TMEM253: variants seen among roughly 807,000 people sequenced by gnomAD.
The protein encoded by TMEM253 is transmembrane protein C14orf176.
Under a neutral mutation model 20.3 loss-of-function variants are expected in TMEM253, and 22 were observed. The observed-to-expected ratio is 1.08, with a 90% CI of 0.78 to 1.55. TMEM253 has a LOEUF of 1.55. Ranked by LOEUF, TMEM253 falls within the 40% of genes most tolerant of loss-of-function variation. TMEM253 has a pLI of 0.00. For synonymous variants in TMEM253, 92 were observed against 102.6 expected (o/e 0.90, Z 0.62); for missense variants, 251 against 266.1 (o/e 0.94, Z 0.39).
In TMEM253 at chr14:21,103,159, G is replaced by C. The variant is rs1196936502; in HGVS notation, c.555G>C (p.Glu185Asp). 2 of 1,551,670 alleles carry C rather than the reference G, an allele frequency of 1.3e-6. No individual in the cohort carries two copies. Among genetic ancestry groups the C allele is most frequent in the South Asian group, 1.2e-5 (1 of 84,048 alleles). ...TTCAGGGCTTCTCTGAGTTGGAAGA[G>C]GTTCCTGGTTTGGAGAATGGTCCCA... The change falls in exon 7 of 7, where the codon GAG becomes GAC. Residue 185 changes from glutamate (E) to aspartate (D), a missense_variant. Coordinates refer to ENST00000556585, the Ensembl canonical transcript of TMEM253.
At chr14:21,101,587 G>T (rs1367693348) in intron 2 of TMEM253, 136 bp downstream of exon 2, 1 of 820,510 alleles carries the variant, frequency 1.2e-6, no homozygotes, top group African/African-American at 1.7e-5. Context: ...TGGGAGGAGG[G>T]TAGAGGAAAA....
intron 2 of TMEM253, 88 bp downstream of exon 2, chr14:21,101,539 G>A: frequency 1.6e-6 from 2 of 1,247,984 alleles, no homozygotes; most frequent in Non-Finnish European, 2.3e-6. Flanking sequence ...TGTTAAGTGA[G>A]CACCTACCAT....
chr14:21,098,853 C>T, upstream of TMEM253: 2 of 1,287,370 alleles, frequency 1.6e-6, no homozygotes. Context: ...CCCCAACATG[C>T]ACAGACTCGG....
exon 4 of TMEM253, chr14:21,102,067 C>A (rs1228266944): frequency 1.9e-6 from 3 of 1,551,270 alleles, no homozygotes; most frequent in African/African-American, 2.7e-5. Flanking sequence ...CATTCAGGGT[C>A]TCCTCACTGG....
At position 21,103,138 on chromosome 14, in the gene TMEM253, G is replaced by A; in HGVS notation, c.535-1G>A. ...TGCTCACACCTGTCTCTGGTTTTCA[G>A]GGCTTCTCTGAGTTGGAAGAGGTTC... On this transcript the variant is annotated splice_acceptor_variant, in intron 6 of 6. Transcript: ENST00000556585. LOFTEE classifies it high-confidence loss of function. The A allele has an allele frequency of 6.4e-7, 1 of 1,551,626 alleles. No individual in the cohort carries two copies. Among genetic ancestry groups the A allele is most frequent in the Non-Finnish European group, 8.7e-7 (1 of 1,146,986 alleles).
At chr14:21,100,600 C>T (rs140597115), upstream of TMEM253, among the ~76,000 whole-genome samples, 145 of 152,268 alleles carry the variant, frequency 9.5e-4, no homozygotes, top group African/African-American at 3.3e-3. Flanking sequence ...ACAATCCCCA[C>T]CATAAACAGG....
chr14:21,099,090 A>C, upstream of TMEM253: 1 of 262,464 alleles, frequency 3.8e-6, no homozygotes, highest in South Asian at 3.2e-5. Flanking sequence ...CAATACAACA[A>C]ATATTTACTG....
chr14:21,101,502 A>G, intron 2 of TMEM253, 51 bp downstream of exon 2: 1 of 1,469,910 alleles, frequency 6.8e-7, no homozygotes, highest in Non-Finnish European at 9.3e-7. Flanking sequence ...CTTCTACCCA[A>G]TTCAATTCCA....
exon 6 of TMEM253, chr14:21,102,705 G>T (rs760538899): frequency 1.9e-6 from 3 of 1,551,556 alleles, no homozygotes; most frequent in Middle Eastern, 1.7e-4. Context: ...CTCAGTGCAC[G>T]CCCTATTCTT....
exon 3 of TMEM253, chr14:21,101,944 C>T: frequency 1.3e-6 from 2 of 1,551,622 alleles, no homozygotes; most frequent in Non-Finnish European, 8.7e-7. Flanking sequence ...TGTCACATGG[C>T]CACAGCGCTG....
upstream of TMEM253, among the ~76,000 whole-genome samples, chr14:21,100,119 T>C (rs567328648): frequency 6.6e-6 from 1 of 152,168 alleles, no homozygotes; most frequent in African/African-American, 2.4e-5. Context: ...TCCCAGCAGT[T>C]TGGGAGGCCA....
At chr14:21,102,107 C>T in exon 4 of TMEM253, 12 of 1,551,228 alleles carry the variant, frequency 7.7e-6, no homozygotes, top group Non-Finnish European at 1.0e-5. Context: ...CGCAGAGCAC[C>T]CCGCCTTTGG....
At chr14:21,103,635 C>G (rs11849129) in exon 7 of TMEM253, 12,300 of 196,056 alleles carry the variant, frequency 0.063, 1,096 homozygotes, top group African/African-American at 0.22. Flanking sequence ...TTCGATCCAT[C>G]TCCTTTCTAC....
intron 4 of TMEM253, 121 bp downstream of exon 4, chr14:21,102,241 G>A (rs1889687743): frequency 1.4e-6 from 2 of 1,408,044 alleles, no homozygotes; most frequent in African/African-American, 2.9e-5. Context: ...CCACTGACTG[G>A]CCTCAATCAC....
chr14:21,100,001 A>G (rs969797793), upstream of TMEM253, among the ~76,000 whole-genome samples: 1 of 152,042 alleles, frequency 6.6e-6, no homozygotes, highest in Non-Finnish European at 1.5e-5. Context: ...TGAATCAACA[A>G]CTCTTCACAG....
At chr14:21,102,947 G>T (rs1418821476) in intron 6 of TMEM253, 168 bp downstream of exon 6, 1 of 1,354,096 alleles carries the variant, frequency 7.4e-7, no homozygotes, top group Non-Finnish European at 9.9e-7. Flanking sequence ...CTCCCCTAAT[G>T]GTGGGTAAGA....
rs372143791 is a variant in TMEM253, at chr14:21,102,025, C to T, written c.220-39C>T. On this transcript the variant is annotated intron_variant, in intron 3 of 6. Transcript: ENST00000556585. ...GGAAGGTCCCAGGGCCCCTTCCTAA[C>T]GGGACCAGAGCTCAACACTTGCCCT... is the stretch of plus-strand genomic sequence containing the variant. 3.4e-4 allele frequency: 533 copies of T among 1,550,554 alleles called. No homozygotes were observed. In the African/African-American group the frequency reaches 4.4e-3, roughly 13 times the overall value.
At position 21,102,702 on chromosome 14, in the gene TMEM253, C is replaced by T. The variant is rs1241043355; in HGVS notation, c.457C>T (p.His153Tyr). 1.3e-6 allele frequency: 2 copies of T among 1,551,574 alleles called. No homozygotes were observed. The highest frequency in any genetic ancestry group is 2.0e-5 in the Admixed American group (1 of 51,002). The change falls in exon 6 of 7, where the codon CAC becomes TAC. Residue 153 changes from histidine (H) to tyrosine (Y), a missense_variant. By Grantham distance (83) the His-to-Tyr change is moderately conservative (BLOSUM62 2). Coordinates refer to ENST00000556585, the Ensembl canonical transcript of TMEM253. ...CCTAGGGGGAGTGCTGGTCTCAGTG[C>T]ACGCCCTATTCTTGCTGAGCCAGAG...
chr14:21,101,531 T>G, intron 2 of TMEM253, 80 bp downstream of exon 2: 2 of 1,313,356 alleles, frequency 1.5e-6, no homozygotes, highest in Non-Finnish European at 2.1e-6. Context: ...TCCATCCATG[T>G]TAAGTGAGCA....
Sources: gnomAD v4.1 joint callset for allele counts (sites outside exome capture counted in the v4.1 genomes callset) on GRCh38, gnomAD v4.1.1 for gene constraint, MANE v1.5 for transcripts, NCBI Gene and HGNC (gene_info 2026-07-23, HGNC 2026-07-21) for gene names.